Variants in PRKG1 observed in about 807,000 individuals in gnomAD.
PRKG1 encodes cGMP-dependent protein kinase 1.
Under a neutral mutation model 88.1 loss-of-function variants are expected in PRKG1, and 35 were observed. That is an observed-to-expected ratio of 0.40 (90% CI 0.30 to 0.53). The LOEUF is 0.53. Ranked by LOEUF, PRKG1 falls within the 20% of genes least tolerant of loss-of-function variation. The probability of loss-of-function intolerance (pLI) is 0.59; values close to 1 mark genes in which losing one functional copy is unlikely to be tolerated. For synonymous variants in PRKG1, 303 were observed against 292.5 expected, an observed-to-expected ratio of 1.04 and a Z score of -0.37; for missense variants, 540 against 839.8, an observed-to-expected ratio of 0.64 and a Z score of 4.41.
chr10:51,093,464 C>T (rs1438644270), intron 1 of PRKG1, among the ~76,000 whole-genome samples: 2 of 152,034 alleles, frequency 1.3e-5, no homozygotes, highest in Non-Finnish European at 2.9e-5. Flanking sequence ...GCTTGTTCCC[C>T]TCCTTTTCAA....
At chr10:51,246,756 G>A (rs1839303079) in intron 2 of PRKG1, among the ~76,000 whole-genome samples, 1 of 152,018 alleles carries the variant, frequency 6.6e-6, no homozygotes. Context: ...CTTGGCCTCA[G>A]ACTCAGGCAT....
intron 2 of PRKG1, among the ~76,000 whole-genome samples, chr10:51,381,254 C>A (rs71508076): frequency 2.7e-5 from 1 of 37,372 alleles, no homozygotes; most frequent in African/African-American, 8.7e-5. Context: ...AAGCCTCCAT[C>A]TTAAAAAAAA....
chr10:52,136,109 A>T (rs1388049960), intron 8 of PRKG1, among the ~76,000 whole-genome samples: 1 of 152,070 alleles, frequency 6.6e-6, no homozygotes, highest in East Asian at 1.9e-4. Context: ...GGGAGAAAAC[A>T]GTTTTATTAA....
intron 2 of PRKG1, among the ~76,000 whole-genome samples, chr10:51,287,118 C>A (rs58803177): frequency 0.063 from 9,642 of 152,246 alleles, 1,003 homozygotes; most frequent in African/African-American, 0.22. Flanking sequence ...CTCAAGTGGT[C>A]TTCCTACCTT....
chr10:51,531,855 G>C (rs570717104), intron 3 of PRKG1, among the ~76,000 whole-genome samples: 1 of 151,910 alleles, frequency 6.6e-6, no homozygotes, highest in South Asian at 2.1e-4. Flanking sequence ...ATGTTGACCA[G>C]GCTGGTCTTG....
At position 51,327,347 on chromosome 10, in the gene PRKG1, G is replaced by C. The variant is rs1205342465; in HGVS notation, c.479-140376G>C. Among the ~76,000 whole-genome samples the C allele has an allele frequency of 2.7e-5, 4 of 150,794 alleles. No homozygotes were observed. In the East Asian group the frequency reaches 7.8e-4, roughly 29 times the overall value. On this transcript the variant is annotated intron_variant, in intron 2 of 17. Coordinates refer to ENST00000373980, the MANE Select transcript of PRKG1 (RefSeq NM_006258.4). ...TAGGAGGATTGCTTGAACTCGGGAG[G>C]CAGAGGTCTCAGTGAGCCAGGATCG... is the stretch of plus-strand genomic sequence containing the variant.
chr10:51,477,886 G>C (rs1840243070), intron 3 of PRKG1, among the ~76,000 whole-genome samples: 1 of 151,972 alleles, frequency 6.6e-6, no homozygotes, highest in East Asian at 1.9e-4. Flanking sequence ...TGGGGAAGTT[G>C]GTTCATATGC....
chr10:51,985,113 T>C (rs1404645676), intron 5 of PRKG1, among the ~76,000 whole-genome samples: 1 of 152,226 alleles, frequency 6.6e-6, no homozygotes, highest in Non-Finnish European at 1.5e-5. Context: ...TTTTCCTTCA[T>C]AGAGCATGGA....
intron 9 of PRKG1, among the ~76,000 whole-genome samples, chr10:52,206,694 C>T (rs774477880): frequency 2.0e-5 from 3 of 152,154 alleles, no homozygotes; most frequent in Non-Finnish European, 4.4e-5. Context: ...AGGGCTCAGC[C>T]CAAACACTCC....
At chr10:51,279,491 A>G (rs1390634229) in intron 2 of PRKG1, among the ~76,000 whole-genome samples, 1 of 152,158 alleles carries the variant, frequency 6.6e-6, no homozygotes, top group Non-Finnish European at 1.5e-5. Context: ...AAAGTCTCCC[A>G]TTATTATTGT....
chr10:51,817,863 C>T (rs1291431021), intron 4 of PRKG1, among the ~76,000 whole-genome samples: 3 of 151,786 alleles, frequency 2.0e-5, no homozygotes, highest in Non-Finnish European at 4.4e-5. Context: ...CTTTTCTTTC[C>T]TTCTCTCATT....
chr10:52,067,263 A>G (rs2133278375), intron 7 of PRKG1, among the ~76,000 whole-genome samples: 1 of 152,334 alleles, frequency 6.6e-6, no homozygotes, highest in South Asian at 2.1e-4. Context: ...ACAGAATTTC[A>G]GATTGTGGTT....
intron 3 of PRKG1, among the ~76,000 whole-genome samples, chr10:51,557,479 C>T (rs1837344123): frequency 6.6e-6 from 1 of 151,778 alleles, no homozygotes; most frequent in Admixed American, 6.6e-5. Context: ...GAGAAAAGTG[C>T]TTATAAGGGA....
intron 1 of PRKG1, among the ~76,000 whole-genome samples, chr10:51,108,905 G>C (rs1434236497): frequency 6.6e-6 from 1 of 152,100 alleles, no homozygotes; most frequent in African/African-American, 2.4e-5. Flanking sequence ...ACTGGGAAAT[G>C]AGTTTAGTAA....
At chr10:51,628,395 T>A (rs1477306340) in intron 3 of PRKG1, among the ~76,000 whole-genome samples, 1 of 151,222 alleles carries the variant, frequency 6.6e-6, no homozygotes, top group Non-Finnish European at 1.5e-5. Context: ...ATTCCTGGGG[T>A]CAAGAATTCC....
At chr10:51,516,128 C>T (rs574189921) in intron 3 of PRKG1, among the ~76,000 whole-genome samples, 11 of 152,168 alleles carry the variant, frequency 7.2e-5, no homozygotes, top group Middle Eastern at 6.8e-3. Flanking sequence ...AATTGAAGGA[C>T]GGTGAATGCA....
At chr10:51,063,559 T>A (rs533529182) in intron 1 of PRKG1, among the ~76,000 whole-genome samples, 15 of 152,294 alleles carry the variant, frequency 9.8e-5, no homozygotes, top group African/African-American at 3.6e-4. Flanking sequence ...CATTAGAATC[T>A]TACAAGACCA....
intron 5 of PRKG1, among the ~76,000 whole-genome samples, chr10:51,944,959 T>C (rs1215743840): frequency 1.3e-5 from 2 of 151,588 alleles, no homozygotes; most frequent in Admixed American, 1.3e-4. Context: ...GTTCTGTAGA[T>C]GTCTATTAGG....
chr10:51,452,896 A>T (rs751181502), intron 2 of PRKG1, among the ~76,000 whole-genome samples: 4 of 152,036 alleles, frequency 2.6e-5, no homozygotes, highest in Non-Finnish European at 5.9e-5. Context: ...GTCTGATAGA[A>T]TTCAGCTGTG....
Sources: gnomAD v4.1 joint callset for allele counts (sites outside exome capture counted in the v4.1 genomes callset) on GRCh38, gnomAD v4.1.1 for gene constraint, MANE v1.5 for transcripts, NCBI Gene and HGNC (gene_info 2026-07-23, HGNC 2026-07-21) for gene names.